The following DOCK3 variants were observed in gnomAD, a reference collection of about 807,000 sequenced individuals.
DOCK3 encodes the protein dedicator of cytokinesis 3.
In DOCK3, 60 loss-of-function variants were observed where a neutral mutation model predicts 265.6. The observed-to-expected ratio is 0.23, with a 90% CI of 0.18 to 0.28. DOCK3 has a LOEUF of 0.28. Among genes scored for constraint, DOCK3 ranks in the 10% least tolerant of loss-of-function variants. DOCK3 has a pLI of 1.00. For missense variants in DOCK3, 1,981 were observed against 2,594.3 expected (o/e 0.76, Z 5.14); for synonymous variants, 881 against 938.0 (o/e 0.94, Z 1.11).
chr3:50,854,422 C>G (rs2046481998), intron 3 of DOCK3, among the ~76,000 whole-genome samples: 2 of 150,016 alleles, frequency 1.3e-5, no homozygotes, highest in Admixed American at 1.3e-4. Flanking sequence ...CCTCCCCTCC[C>G]CCCATCTTTT....
At chr3:51,036,419 A>AT (rs1015063409) in intron 5 of DOCK3, among the ~76,000 whole-genome samples, 2 of 152,232 alleles carry the variant, frequency 1.3e-5, no homozygotes, top group African/African-American at 4.8e-5. Flanking sequence ...AGATCAAAAT[A>AT]TTCATTGCCT....
At chr3:50,911,510 C>T (rs1434653375) in intron 4 of DOCK3, among the ~76,000 whole-genome samples, 1 of 152,008 alleles carries the variant, frequency 6.6e-6, no homozygotes, top group African/African-American at 2.4e-5. Context: ...TTTCATTGCT[C>T]TATGTATCTG....
At chr3:50,775,314 T>A (rs1335751105) in intron 1 of DOCK3, among the ~76,000 whole-genome samples, 4 of 152,102 alleles carry the variant, frequency 2.6e-5, no homozygotes. Flanking sequence ...TAGGACTATT[T>A]AAATTTTTAA....
At chr3:51,375,891 C>G in intron 51 of DOCK3, 56 bp downstream of exon 51, 1 of 1,585,806 alleles carries the variant, frequency 6.3e-7, no homozygotes, top group South Asian at 1.1e-5. Context: ...GAGTGTCTGA[C>G]TCTTGTCCCT....
At chr3:51,193,801 C>CTTTT (rs36051516) in intron 12 of DOCK3, among the ~76,000 whole-genome samples, 3 of 126,676 alleles carry the variant, frequency 2.4e-5, no homozygotes, top group Admixed American at 8.0e-5. Flanking sequence ...GGGCTTCTCT[C>CTTTT]TTTTTTTTTT....
chr3:51,196,122 G>T (rs1324596330), intron 12 of DOCK3, among the ~76,000 whole-genome samples: 4 of 148,348 alleles, frequency 2.7e-5, no homozygotes, highest in African/African-American at 1.0e-4. Context: ...TTTTTTCAAA[G>T]ATTGGTTCTT....
chr3:50,721,276 C>G (rs1312925214), intron 1 of DOCK3, among the ~76,000 whole-genome samples: 7 of 152,110 alleles, frequency 4.6e-5, no homozygotes, highest in Non-Finnish European at 8.8e-5. Context: ...AGCCTATGTC[C>G]AGAATGGCAT....
intron 1 of DOCK3, among the ~76,000 whole-genome samples, chr3:50,750,252 C>T (rs1221030170): frequency 6.6e-6 from 1 of 151,492 alleles, no homozygotes; most frequent in African/African-American, 2.4e-5. Context: ...AAATGTCTTC[C>T]ATGAAACTGG....
At position 51,358,009 on chromosome 3, in the gene DOCK3, C is replaced by T; in HGVS notation, c.4816C>T (p.Pro1606Ser). 3 of 1,613,916 alleles carry T rather than the reference C, an allele frequency of 1.9e-6. No homozygotes were observed. Among genetic ancestry groups the T allele is most frequent in the Non-Finnish European group, 2.5e-6 (3 of 1,179,870 alleles). The change falls in exon 46 of 53, where the codon CCA becomes TCA. Residue 1606 changes from proline to serine, a missense_variant. By Grantham distance (74) the Pro-to-Ser change is moderately conservative. This residue lies in a region of DOCK3 where 1,357 missense variants were observed against 1,866.8 expected (regional missense o/e 0.73). Transcript: ENST00000266037. ...AGCAGTTCATGAGAAGTTTGTGCAC[C>T]CAGAAATGCGGCCTCTGCATAAGAA... ...GLAVHEKFVH[P>S]EMRPLHKKLI...
chr3:51,229,946 G>GT (rs1465112991), intron 19 of DOCK3, among the ~76,000 whole-genome samples: 10 of 152,134 alleles, frequency 6.6e-5, no homozygotes, highest in Admixed American at 6.5e-4. Context: ...TATGTGTTCA[G>GT]TTTTTTGTAT....
intron 5 of DOCK3, among the ~76,000 whole-genome samples, chr3:50,951,809 T>C (rs2076599868): frequency 6.6e-6 from 1 of 152,068 alleles, no homozygotes; most frequent in Non-Finnish European, 1.5e-5. Context: ...AAATAATACA[T>C]AAGACCTCAC....
chr3:51,063,538 A>G (rs746369247), intron 5 of DOCK3, among the ~76,000 whole-genome samples: 1 of 152,198 alleles, frequency 6.6e-6, no homozygotes, highest in Non-Finnish European at 1.5e-5. Flanking sequence ...CATCTTTTTT[A>G]GGGTAAATCT....
At chr3:51,338,912 G>C (rs1238585741) in intron 36 of DOCK3, 23 bp from the exon 37 acceptor site, 1 of 1,568,004 alleles carries the variant, frequency 6.4e-7, no homozygotes, top group Admixed American at 1.9e-5. Flanking sequence ...TAGTTGACAG[G>C]TGTTTCCTTC....
At chr3:51,008,114 T>G (rs2078763193) in intron 5 of DOCK3, among the ~76,000 whole-genome samples, 1 of 152,230 alleles carries the variant, frequency 6.6e-6, no homozygotes, top group Non-Finnish European at 1.5e-5. Flanking sequence ...GGCTCTTTTT[T>G]GGTTCCATGT....
intron 9 of DOCK3, among the ~76,000 whole-genome samples, chr3:51,115,382 T>C (rs147551056): frequency 0.012 from 1,754 of 152,344 alleles, 29 homozygotes; most frequent in African/African-American, 0.04. Flanking sequence ...GATTTGCATT[T>C]CTCTAATGAC....
In DOCK3 at chr3:51,208,485, G is replaced by A. The variant is rs937479219; in HGVS notation, c.1038-289G>A. ...ATATGTCTGTGCACATGCATGCAAC[G>A]GGTGATAGAAAAGAAACAACTTTTC... On this transcript the variant is annotated intron_variant, in intron 12 of 52. Transcript: ENST00000266037. 3.3e-5 allele frequency among the ~76,000 whole-genome samples: 5 copies of A among 152,138 alleles called. No homozygotes were observed. The East Asian group carries it at 5.8e-4, about 18-fold the overall frequency.
rs543649124 is a variant in DOCK3, at chr3:50,781,820, C to T, written c.121+3062C>T. ...GTAGGCCCCAGTGTCTGTTGTTGCC[C>T]TCTGTGTGTCCATGTATTCTCATCT... On this transcript the variant is annotated intron_variant, in intron 2 of 52. Coordinates refer to ENST00000266037, the MANE Select transcript of DOCK3 (RefSeq NM_004947.5). Among the ~76,000 whole-genome samples the T allele has an allele frequency of 7.2e-5, 11 of 152,186 alleles. No individual in the cohort carries two copies. The East Asian group carries it at 1.9e-3, about 27-fold the overall frequency.
chr3:50,984,187 C>A (rs2077809394), intron 5 of DOCK3, among the ~76,000 whole-genome samples: 1 of 152,204 alleles, frequency 6.6e-6, no homozygotes, highest in South Asian at 2.1e-4. Flanking sequence ...AGAACGAACC[C>A]AGTGGGCCCA....
At chr3:50,816,228 C>T (rs2106838116) in intron 2 of DOCK3, among the ~76,000 whole-genome samples, 1 of 151,720 alleles carries the variant, frequency 6.6e-6, no homozygotes, top group East Asian at 1.9e-4. Flanking sequence ...GTTGAATACT[C>T]AGTCTGGAAA....
Sources: allele counts gnomAD v4.1 joint callset (sites outside exome capture counted in the v4.1 genomes callset), GRCh38; gene constraint gnomAD v4.1.1; regional missense constraint gnomAD v4.1.1; transcripts MANE v1.5; gene names NCBI Gene and HGNC (gene_info 2026-07-23, HGNC 2026-07-21).